Variants in NOX4 observed in about 807,000 individuals in gnomAD.
NOX4 encodes the protein kidney oxidase-1.
Under a neutral mutation model 87.6 loss-of-function variants are expected in NOX4, and 69 were observed. The observed-to-expected ratio is 0.79, with a 90% CI of 0.65 to 0.96. NOX4 has a LOEUF of 0.96. Ranked by LOEUF, NOX4 falls within the 40% of genes least tolerant of loss-of-function variation. The pLI is 0.00. For synonymous variants in NOX4, 275 were observed against 238.2 expected (o/e 1.15, Z -1.42); for missense variants, 680 against 681.5 (o/e 1.00, Z 0.02).
Position 89,418,784 on chromosome 11 carries a change from TA to T in NOX4, c.629+3117del, listed in dbSNP as rs1942932119. ...CAAAATTAGGCATTGACTTAGTAGA[TA>T]AATTGCAGAGGAGCTTAAAAGAGGC... On this transcript the variant is annotated intron_variant, in intron 8 of 17. Coordinates refer to ENST00000263317, the MANE Select transcript of NOX4 (RefSeq NM_016931.5). Among the ~76,000 whole-genome samples, 8 of 152,140 alleles carry T rather than the reference TA, an allele frequency of 5.3e-5. No individual in the cohort carries two copies. In the South Asian group the frequency reaches 1.7e-3, roughly 32 times the overall value.
At chr11:89,555,957 G>A in the NOX4 span, among the ~76,000 whole-genome samples, 1 of 152,046 alleles carries the variant, frequency 6.6e-6, no homozygotes, top group East Asian at 1.9e-4. Flanking sequence ...GAAACAAAAA[G>A]TAAACTAGCA....
intron 11 of NOX4, among the ~76,000 whole-genome samples, chr11:89,374,985 T>C (rs1939730767): frequency 6.6e-6 from 1 of 152,018 alleles, no homozygotes; most frequent in East Asian, 1.9e-4. Context: ...TAACAACTCA[T>C]TAGGCAAAAA....
At chr11:89,532,592 T>G in the NOX4 span, among the ~76,000 whole-genome samples, 2 of 152,156 alleles carry the variant, frequency 1.3e-5, no homozygotes, top group African/African-American at 4.8e-5. Context: ...ACTTTGGACT[T>G]GGACTTTTGG....
chr11:89,469,054 C>G (rs1945820002), intron 2 of NOX4, among the ~76,000 whole-genome samples: 2 of 152,126 alleles, frequency 1.3e-5, no homozygotes, highest in Admixed American at 1.3e-4. Context: ...TTATGTTTTT[C>G]ACATCTTCAT....
At chr11:89,526,479 G>T in the NOX4 span, among the ~76,000 whole-genome samples, 1 of 152,098 alleles carries the variant, frequency 6.6e-6, no homozygotes, top group African/African-American at 2.4e-5. Context: ...CTACGATATG[G>T]TTAGGCTTTC....
intron 4 of NOX4, among the ~76,000 whole-genome samples, chr11:89,448,200 A>C (rs2135378942): frequency 6.6e-6 from 1 of 152,234 alleles, no homozygotes; most frequent in Middle Eastern, 3.4e-3. Flanking sequence ...TCCTGCTGTC[A>C]ATCCATTTTA....
the NOX4 span, among the ~76,000 whole-genome samples, chr11:89,565,690 A>G: frequency 6.6e-6 from 1 of 152,058 alleles, no homozygotes; most frequent in Admixed American, 6.5e-5. Flanking sequence ...ACTAACCTGC[A>G]CAATGTGCGC....
chr11:89,411,017 C>T (rs147004557), intron 8 of NOX4, among the ~76,000 whole-genome samples: 2,295 of 152,182 alleles, frequency 0.015, 63 homozygotes, highest in African/African-American at 0.051. Context: ...TTTGTCCTGC[C>T]TCTGGGATGC....
At chr11:89,433,745 G>A (rs1943935337) in intron 6 of NOX4, among the ~76,000 whole-genome samples, 2 of 151,852 alleles carry the variant, frequency 1.3e-5, no homozygotes, top group Non-Finnish European at 2.9e-5. Context: ...TTCAGATATG[G>A]CATAACATTT....
At chr11:89,402,568 A>G (rs758562382) in intron 8 of NOX4, 26 bp from the exon 9 acceptor site, 4 of 1,527,098 alleles carry the variant, frequency 2.6e-6, no homozygotes, top group Admixed American at 3.4e-5. Flanking sequence ...AAACAAACAA[A>G]CAGAGAAATG....
At chr11:89,499,700 T>C (rs570178357), upstream of NOX4, among the ~76,000 whole-genome samples, 2 of 152,282 alleles carry the variant, frequency 1.3e-5, no homozygotes, top group East Asian at 1.9e-4. Context: ...CTAATGTTAG[T>C]GCATACCACA....
chr11:89,573,565 T>C, the NOX4 span, among the ~76,000 whole-genome samples: 1 of 152,170 alleles, frequency 6.6e-6, no homozygotes, highest in African/African-American at 2.4e-5. Flanking sequence ...TGGTGGCAGA[T>C]ATCTGAGTTA....
chr11:89,389,940 A>C (rs1399022840), intron 11 of NOX4, among the ~76,000 whole-genome samples: 1 of 152,194 alleles, frequency 6.6e-6, no homozygotes, highest in Admixed American at 6.6e-5. Context: ...AGAATTAAAT[A>C]ATATAATATT....
intron 7 of NOX4, among the ~76,000 whole-genome samples, chr11:89,431,843 A>T (rs1266909006): frequency 6.6e-6 from 1 of 152,192 alleles, no homozygotes; most frequent in African/African-American, 2.4e-5. Flanking sequence ...CAGCCATCCC[A>T]TTACTGGGTA....
rs563439630 is a variant in NOX4, at chr11:89,432,829, A to G, written c.503T>C (p.Val168Ala). Residue 168 changes from valine to alanine, a missense_variant, in exon 7 of 18, where the codon GTG (valine) becomes GCG (alanine). Transcript: ENST00000263317. ...TGTGATCATGAGGAATAGCACCACC[A>G]CCATGCAGACCCCTGTCAGGCCAGG... is the stretch of plus-strand genomic sequence containing the variant. ...TVPGLTGVCM[V>A]VVLFLMITAS... The G allele has an allele frequency of 4.7e-5, 76 of 1,611,464 alleles. No individual in the cohort carries two copies. In the South Asian group the frequency reaches 8.1e-4, roughly 17 times the overall value.
chr11:89,380,811 C>T (rs1316288982), intron 11 of NOX4, among the ~76,000 whole-genome samples: 6 of 152,144 alleles, frequency 3.9e-5, no homozygotes, highest in Non-Finnish European at 8.8e-5. Context: ...CACCACTTTG[C>T]TTCATCTATG....
chr11:89,365,950 A>G (rs1349504530), intron 12 of NOX4, among the ~76,000 whole-genome samples: 1 of 152,054 alleles, frequency 6.6e-6, no homozygotes, highest in African/African-American at 2.4e-5. Flanking sequence ...TGGATCAGGG[A>G]AAAACAACAA....
intron 5 of NOX4, among the ~76,000 whole-genome samples, chr11:89,442,550 G>A (rs1944503595): frequency 6.6e-6 from 1 of 151,984 alleles, no homozygotes; most frequent in Non-Finnish European, 1.5e-5. Flanking sequence ...AAGATATGTT[G>A]ATACAATAAG....
chr11:89,510,423 G>A, the NOX4 span, among the ~76,000 whole-genome samples: 2 of 151,942 alleles, frequency 1.3e-5, no homozygotes, highest in Non-Finnish European at 2.9e-5. Context: ...ATCTTCTCTG[G>A]CTTAACTACG....
Sources: gnomAD v4.1 joint callset for allele counts (sites outside exome capture counted in the v4.1 genomes callset) on GRCh38, gnomAD v4.1.1 for gene constraint, MANE v1.5 for transcripts, NCBI Gene and HGNC (gene_info 2026-07-23, HGNC 2026-07-21) for gene names.